MORC1: variants seen among roughly 807,000 people sequenced by gnomAD.
MORC1 encodes MORC family CW-type zinc finger protein 1.
A neutral mutation model predicts 134.9 loss-of-function variants in MORC1; 59 were observed. The observed-to-expected ratio is 0.44, with a 90% CI of 0.35 to 0.54. The LOEUF is 0.54. Among genes scored for constraint, MORC1 ranks in the 20% least tolerant of loss-of-function variants. The probability of loss-of-function intolerance (pLI) is 0.00; values close to 1 mark genes in which losing one functional copy is unlikely to be tolerated. For synonymous variants in MORC1, 395 were observed against 391.7 expected (o/e 1.01, Z -0.10); for missense variants, 947 against 1,134.5 (o/e 0.83, Z 2.37).
chr3:108,994,880 T>C lies in MORC1; in HGVS notation c.2187+5677A>G, dbSNP rs541619322. 1.2e-4 allele frequency among the ~76,000 whole-genome samples: 19 copies of C among 152,302 alleles called. No homozygotes were observed. The East Asian group carries it at 1.5e-3, about 12-fold the overall frequency. ...TATTCTTCCCAGTCACCTTTCAGAA[T>C]AGATCCCCTAGGATGTTTAGTCTGT... On this transcript the variant is annotated intron_variant, in intron 21 of 27. Coordinates refer to ENST00000232603, the MANE Select transcript of MORC1 (RefSeq NM_014429.4).
chr3:109,110,064 G>C (rs1340951149), intron 3 of MORC1: 3 of 152,176 alleles, frequency 2.0e-5, no homozygotes, highest in Non-Finnish European at 4.4e-5. Context: ...CTCATGAAGC[G>C]TAAGCACTCC....
At chr3:109,095,820 T>G (rs528503534) in intron 6 of MORC1, among the ~76,000 whole-genome samples, 1 of 152,124 alleles carries the variant, frequency 6.6e-6, no homozygotes, top group South Asian at 2.1e-4. Flanking sequence ...GACAATTACA[T>G]TAAGGATTCC....
intron 1 of MORC1, among the ~76,000 whole-genome samples, chr3:109,117,347 A>AG (rs1385320857): frequency 6.6e-6 from 1 of 151,228 alleles, no homozygotes; most frequent in Non-Finnish European, 1.5e-5. Flanking sequence ...AAAAAAAAAA[A>AG]AAAAAAGAAA....
At chr3:109,040,990 G>A (rs369337816) in intron 14 of MORC1, among the ~76,000 whole-genome samples, 1 of 151,844 alleles carries the variant, frequency 6.6e-6, no homozygotes, top group East Asian at 1.9e-4. Context: ...AATCACTAGA[G>A]GGATACAGAG....
At chr3:108,978,031 C>T (rs1374582279) in intron 24 of MORC1, among the ~76,000 whole-genome samples, 1 of 152,168 alleles carries the variant, frequency 6.6e-6, no homozygotes, top group Admixed American at 6.5e-5. Flanking sequence ...GCGCCTGCCA[C>T]CCTGACTGGC....
chr3:108,994,673 A>G (rs980912135), intron 21 of MORC1, among the ~76,000 whole-genome samples: 1 of 151,996 alleles, frequency 6.6e-6, no homozygotes, highest in Admixed American at 6.5e-5. Context: ...AGGCATGTAC[A>G]TGCCTTTTTT....
intron 26 of MORC1, among the ~76,000 whole-genome samples, chr3:108,964,448 T>C (rs1453482359): frequency 6.6e-6 from 1 of 152,204 alleles, no homozygotes; most frequent in Non-Finnish European, 1.5e-5. Flanking sequence ...GGTAGCCTCA[T>C]TTGTCTTTTG....
intron 14 of MORC1, among the ~76,000 whole-genome samples, chr3:109,045,951 T>C (rs1949685127): frequency 6.6e-6 from 1 of 152,180 alleles, no homozygotes; most frequent in African/African-American, 2.4e-5. Flanking sequence ...CCTTCTTAAG[T>C]GTGAGGACCT....
At chr3:108,964,694 T>C (rs1052369606) in intron 26 of MORC1, among the ~76,000 whole-genome samples, 5 of 152,190 alleles carry the variant, frequency 3.3e-5, no homozygotes, top group African/African-American at 1.2e-4. Context: ...CGTGGAGATA[T>C]ATAGGGTACA....
rs546820126 is a variant in MORC1 at position 109,114,879 on chromosome 3, G to A, written c.66-442C>T. Among the ~76,000 whole-genome samples, 6 of 152,366 alleles carry A rather than the reference G, an allele frequency of 3.9e-5. No homozygotes were observed. The East Asian group carries it at 9.6e-4, about 24-fold the overall frequency. ...CCATGTGCAGGCAAAGGAACTGGCAGGAAGCCCTTGCGTGCCTCACCAATC... is the reference window on the plus strand; with the variant it reads ...CCATGTGCAGGCAAAGGAACTGGCAAGAAGCCCTTGCGTGCCTCACCAATC... On this transcript the variant is annotated intron_variant, in intron 1 of 27. Transcript: ENST00000232603.
intron 17 of MORC1, among the ~76,000 whole-genome samples, chr3:109,010,737 G>A (rs541405160): frequency 7.2e-4 from 109 of 152,210 alleles, no homozygotes; most frequent in African/African-American, 2.4e-3. Context: ...ATCTTCTGGA[G>A]TTTTATATTA....
At chr3:108,984,317 T>G (rs1206647108) in intron 23 of MORC1, among the ~76,000 whole-genome samples, 2 of 152,148 alleles carry the variant, frequency 1.3e-5, no homozygotes, top group Admixed American at 1.3e-4. Context: ...GTCAAAAAAA[T>G]TCTAGCACAC....
At chr3:109,089,809 AC>A (rs1455056395) in intron 8 of MORC1, among the ~76,000 whole-genome samples, 5 of 151,890 alleles carry the variant, frequency 3.3e-5, no homozygotes, top group Non-Finnish European at 5.9e-5. Context: ...TCTTGTCATT[AC>A]CCCCACCCTT....
At chr3:109,041,821 G>A (rs185199859) in intron 14 of MORC1, among the ~76,000 whole-genome samples, 1 of 152,202 alleles carries the variant, frequency 6.6e-6, no homozygotes, top group Admixed American at 6.5e-5. Flanking sequence ...ACTCCAGCCT[G>A]GTGACAGACT....
intron 24 of MORC1, among the ~76,000 whole-genome samples, chr3:108,972,308 T>G (rs1947406131): frequency 6.6e-6 from 1 of 152,222 alleles, no homozygotes; most frequent in Non-Finnish European, 1.5e-5. Flanking sequence ...TGCTGACGTA[T>G]TCCAAGAGCC....
At chr3:109,038,761 T>C (rs1259440221) in intron 14 of MORC1, among the ~76,000 whole-genome samples, 1 of 152,206 alleles carries the variant, frequency 6.6e-6, no homozygotes, top group Non-Finnish European at 1.5e-5. Flanking sequence ...TGTGTGGTGT[T>C]ATTTCTGAGG....
At chr3:109,103,036 A>G (rs767337643) in intron 4 of MORC1, among the ~76,000 whole-genome samples, 4 of 152,142 alleles carry the variant, frequency 2.6e-5, no homozygotes, top group Non-Finnish European at 4.4e-5. Context: ...GCCATACCTC[A>G]TATCTTCAGC....
At position 109,118,080 on chromosome 3, in the gene MORC1, C is replaced by G; in HGVS notation, c.-21G>C. The G allele has an allele frequency of 3.1e-6, 5 of 1,601,102 alleles. No homozygotes were observed. The highest frequency in any genetic ancestry group is 4.3e-6 in the Non-Finnish European group (5 of 1,173,726). ...TCCATGCCCTCGAACACGACCCGCG[C>G]AACTCAAGGGGACAAGGACACCTGA... On this transcript the variant is annotated 5_prime_UTR_variant, in exon 1 of 28. Coordinates refer to ENST00000232603, the MANE Select transcript of MORC1 (RefSeq NM_014429.4).
chr3:109,051,419 C>T (rs1170344868), intron 14 of MORC1, among the ~76,000 whole-genome samples: 1 of 152,132 alleles, frequency 6.6e-6, no homozygotes, highest in Non-Finnish European at 1.5e-5. Flanking sequence ...TTTGGTTATT[C>T]CTGTGGGAGT....
Sources: allele counts gnomAD v4.1 joint callset (sites outside exome capture counted in the v4.1 genomes callset), GRCh38; gene constraint gnomAD v4.1.1; transcripts MANE v1.5; gene names NCBI Gene and HGNC (gene_info 2026-07-23, HGNC 2026-07-21).